Variants in CCSER1 observed in about 807,000 individuals in gnomAD.
CCSER1 encodes the protein serine-rich coiled-coil domain-containing protein 1.
CCSER1 carries 41 observed loss-of-function variants against 82.0 expected under a neutral mutation model. That is an observed-to-expected ratio of 0.50 (90% CI 0.39 to 0.65). CCSER1 has a LOEUF of 0.65. Ranked by LOEUF, CCSER1 falls within the 30% of genes least tolerant of loss-of-function variation. CCSER1 has a pLI of 0.00. For missense variants in CCSER1, 1,119 were observed against 1,064.2 expected (o/e 1.05, Z -0.72); for synonymous variants, 414 against 383.9 (o/e 1.08, Z -0.92).
intron 1 of CCSER1, among the ~76,000 whole-genome samples, chr4:90,262,973 C>A (rs1264574061): frequency 6.6e-6 from 1 of 152,122 alleles, no homozygotes; most frequent in Non-Finnish European, 1.5e-5. Flanking sequence ...CGCTGAGTTC[C>A]TGTGGGAGGA....
intron 10 of CCSER1, among the ~76,000 whole-genome samples, chr4:91,166,119 A>G (rs1162049193): frequency 6.6e-6 from 1 of 152,218 alleles, no homozygotes; most frequent in Non-Finnish European, 1.5e-5. Context: ...CAGTTTTATG[A>G]GTTACATCAG....
chr4:91,380,789 A>G (rs1381734459), intron 10 of CCSER1, among the ~76,000 whole-genome samples: 1 of 152,190 alleles, frequency 6.6e-6, no homozygotes, highest in African/African-American at 2.4e-5. Flanking sequence ...TCCTGTCATT[A>G]TGATATTAGC....
At chr4:90,506,515 T>G (rs1770705357) in intron 5 of CCSER1, among the ~76,000 whole-genome samples, 1 of 152,062 alleles carries the variant, frequency 6.6e-6, no homozygotes. Context: ...GTAATCCTAG[T>G]GCTTTGAGAG....
At chr4:91,160,418 A>G (rs1731268457) in intron 10 of CCSER1, among the ~76,000 whole-genome samples, 3 of 152,172 alleles carry the variant, frequency 2.0e-5, no homozygotes, top group Admixed American at 1.3e-4. Flanking sequence ...CCAGGCAATG[A>G]CATGGCTGGG....
At chr4:90,525,741 C>G (rs1773680640) in intron 5 of CCSER1, among the ~76,000 whole-genome samples, 1 of 152,048 alleles carries the variant, frequency 6.6e-6, no homozygotes, top group Admixed American at 6.6e-5. Flanking sequence ...TGGGCTGAAG[C>G]AATCCTTCTA....
intron 5 of CCSER1, among the ~76,000 whole-genome samples, chr4:90,612,146 A>G (rs1785591025): frequency 6.6e-6 from 1 of 152,146 alleles, no homozygotes; most frequent in Non-Finnish European, 1.5e-5. Flanking sequence ...ACTTAAAACA[A>G]CAACAAAAAA....
At chr4:90,969,994 A>C (rs1734940471) in intron 9 of CCSER1, among the ~76,000 whole-genome samples, 1 of 151,796 alleles carries the variant, frequency 6.6e-6, no homozygotes, top group Non-Finnish European at 1.5e-5. Flanking sequence ...CACCGCAAAA[A>C]AAAAATCATA....
chr4:91,591,628 TTA>T lies in CCSER1; in HGVS notation c.2218-6943_2218-6942del, dbSNP rs563731636. On this transcript the variant is annotated intron_variant, in intron 10 of 10. Coordinates refer to ENST00000509176, the MANE Select transcript of CCSER1 (RefSeq NM_001145065.2). The stretch of plus-strand genomic sequence containing the variant: ...TACCAAAATTTTTTATTTTTATAAA[TTA>T]GATAATATTATGACCACTGTCATTT... Among the ~76,000 whole-genome samples, 45 of 152,250 alleles carry T rather than the reference TTA, an allele frequency of 3.0e-4. No homozygotes were observed. The East Asian group carries it at 8.3e-3, about 28-fold the overall frequency.
chr4:90,466,368 A>G (rs778458933), intron 4 of CCSER1, among the ~76,000 whole-genome samples: 2 of 152,248 alleles, frequency 1.3e-5, no homozygotes, highest in African/African-American at 4.8e-5. Flanking sequence ...GAGTAGCCCT[A>G]GAAGCTCAGA....
intron 8 of CCSER1, among the ~76,000 whole-genome samples, chr4:90,905,725 G>T (rs1725372101): frequency 6.6e-6 from 1 of 152,092 alleles, no homozygotes; most frequent in South Asian, 2.1e-4. Flanking sequence ...TATGTCATGA[G>T]AGCATTGTGT....
chr4:90,535,126 A>G (rs906146019), intron 5 of CCSER1, among the ~76,000 whole-genome samples: 4 of 152,168 alleles, frequency 2.6e-5, no homozygotes, highest in Non-Finnish European at 5.9e-5. Flanking sequence ...AGAATAATTA[A>G]CTGCCACATT....
intron 3 of CCSER1, among the ~76,000 whole-genome samples, chr4:90,317,455 T>G (rs1292748378): frequency 6.6e-6 from 1 of 151,780 alleles, no homozygotes; most frequent in Non-Finnish European, 1.5e-5. Flanking sequence ...CTATTTGCAT[T>G]TTGTAAAAAT....
At chr4:90,472,177 A>T (rs1764495569) in intron 5 of CCSER1, among the ~76,000 whole-genome samples, 1 of 152,196 alleles carries the variant, frequency 6.6e-6, no homozygotes, top group Non-Finnish European at 1.5e-5. Context: ...TAGGATTCAT[A>T]GAGTCATCTG....
chr4:90,257,866 A>T (rs1445488661), intron 1 of CCSER1, among the ~76,000 whole-genome samples: 2 of 152,160 alleles, frequency 1.3e-5, no homozygotes, highest in Admixed American at 1.3e-4. Context: ...CCATCAAGGG[A>T]TTGGATAAGC....
intron 7 of CCSER1, among the ~76,000 whole-genome samples, chr4:90,751,621 T>A (rs2149485701): frequency 6.6e-6 from 1 of 152,222 alleles, no homozygotes; most frequent in East Asian, 1.9e-4. Flanking sequence ...GAATTTGTCT[T>A]ATTGGATTAT....
At chr4:91,180,432 C>A (rs1193435738) in intron 10 of CCSER1, among the ~76,000 whole-genome samples, 3 of 152,212 alleles carry the variant, frequency 2.0e-5, no homozygotes, top group African/African-American at 7.2e-5. Context: ...GGCAGGCAGG[C>A]CTTCTTGAGC....
At chr4:90,387,757 G>A (rs1290265978) in intron 3 of CCSER1, among the ~76,000 whole-genome samples, 3 of 152,236 alleles carry the variant, frequency 2.0e-5, no homozygotes, top group Non-Finnish European at 1.5e-5. Context: ...TTCCAGGAGG[G>A]TAATAGGTCC....
intron 10 of CCSER1, among the ~76,000 whole-genome samples, chr4:91,289,937 GA>G (rs1208469202): frequency 2.0e-5 from 3 of 151,874 alleles, no homozygotes; most frequent in Non-Finnish European, 4.4e-5. Flanking sequence ...TCAAAATGTA[GA>G]AAATCAGACA....
intron 3 of CCSER1, among the ~76,000 whole-genome samples, chr4:90,334,800 A>T (rs1184250270): frequency 6.6e-6 from 1 of 152,178 alleles, no homozygotes; most frequent in Admixed American, 6.6e-5. Context: ...TTTATTCAGT[A>T]GTTTGTGTAC....
Sources: allele counts gnomAD v4.1 joint callset (sites outside exome capture counted in the v4.1 genomes callset), GRCh38; gene constraint gnomAD v4.1.1; transcripts MANE v1.5; gene names NCBI Gene and HGNC (gene_info 2026-07-23, HGNC 2026-07-21).